Variants in LRRC37A2 observed in about 807,000 individuals in gnomAD.
LRRC37A2 encodes leucine-rich repeat-containing protein 37A2.
A neutral mutation model predicts 68.8 loss-of-function variants in LRRC37A2; 9 were observed. The ratio of observed to expected loss-of-function variants is 0.13; its 90% CI spans 0.08 to 0.23. The LOEUF (loss-of-function observed/expected upper bound fraction) is 0.23. Among genes scored for constraint, LRRC37A2 ranks in the 10% least tolerant of loss-of-function variants. The pLI is 1.00. For missense variants in LRRC37A2, 168 were observed against 950.4 expected, an observed-to-expected ratio of 0.18 and a Z score of 10.82; for synonymous variants, 63 against 367.6, an observed-to-expected ratio of 0.17 and a Z score of 9.48.
the LRRC37A2 span, chr17:46,756,561 AAGAT>A: frequency 6.6e-6 from 1 of 152,502 alleles, no homozygotes; most frequent in Non-Finnish European, 1.5e-5. Flanking sequence ...AAACATGTGA[AAGAT>A]AGGTATGGAA....
the LRRC37A2 span, among the ~76,000 whole-genome samples, chr17:47,009,124 T>G: frequency 6.6e-6 from 1 of 151,906 alleles, no homozygotes; most frequent in East Asian, 1.9e-4. Flanking sequence ...CAGAGTGATA[T>G]TCCATCTCAA....
the LRRC37A2 span, among the ~76,000 whole-genome samples, chr17:46,760,961 C>T: frequency 6.6e-6 from 1 of 152,142 alleles, no homozygotes. Context: ...CCCAAGATAC[C>T]TCATTGTATA....
At chr17:46,756,894 C>T in the LRRC37A2 span, 1 of 152,628 alleles carries the variant, frequency 6.6e-6, no homozygotes, top group Non-Finnish European at 1.5e-5. Flanking sequence ...AAAGGAAGCA[C>T]CCGTTGAGTC....
the LRRC37A2 span, chr17:46,872,549 C>G: frequency 3.2e-6 from 5 of 1,571,792 alleles, no homozygotes; most frequent in South Asian, 4.7e-5. Flanking sequence ...ACGCCCTTCC[C>G]AGGATTGGGC....
the LRRC37A2 span, among the ~76,000 whole-genome samples, chr17:46,896,448 AAGAAAAAG>A: frequency 2.5e-4 from 21 of 85,046 alleles, no homozygotes; most frequent in Non-Finnish European, 3.6e-4. Context: ...GAAAGAAAGA[AAGAAAAAG>A]AAAGAAAGAA....
chr17:46,997,366 A>G, the LRRC37A2 span, among the ~76,000 whole-genome samples: 1 of 152,108 alleles, frequency 6.6e-6, no homozygotes, highest in African/African-American at 2.4e-5. Context: ...CCTCACCAAA[A>G]AAAAAGAATA....
chr17:46,975,620 T>A, the LRRC37A2 span: 1 of 152,396 alleles, frequency 6.6e-6, no homozygotes, highest in Non-Finnish European at 1.5e-5. Context: ...GACCCCACTC[T>A]TGCTGGCTGT....
chr17:46,906,308 A>C, the LRRC37A2 span, among the ~76,000 whole-genome samples: 2 of 152,184 alleles, frequency 1.3e-5, no homozygotes, highest in Non-Finnish European at 2.9e-5. Flanking sequence ...GTCGGAAAGG[A>C]CTTCCCTGAA....
At chr17:46,776,108 C>T in the LRRC37A2 span, among the ~76,000 whole-genome samples, 1 of 152,254 alleles carries the variant, frequency 6.6e-6, no homozygotes, top group Non-Finnish European at 1.5e-5. Flanking sequence ...CACAGAGCTC[C>T]TATGGAATTG....
chr17:46,747,362 C>G, the LRRC37A2 span, among the ~76,000 whole-genome samples: 2 of 152,164 alleles, frequency 1.3e-5, no homozygotes, highest in African/African-American at 4.8e-5. Context: ...CTCACTCCAG[C>G]CTCAAACTCC....
At chr17:47,013,096 C>T in the LRRC37A2 span, among the ~76,000 whole-genome samples, 2 of 152,090 alleles carry the variant, frequency 1.3e-5, no homozygotes, top group African/African-American at 4.8e-5. Context: ...TGAAAGAAGC[C>T]AGATACAAAA....
chr17:46,756,442 A>G, the LRRC37A2 span: 1 of 152,276 alleles, frequency 6.6e-6, no homozygotes, highest in East Asian at 1.9e-4. Context: ...ATCTTTCTTA[A>G]TAGAAAGTCA....
the LRRC37A2 span, among the ~76,000 whole-genome samples, chr17:46,858,691 G>T: frequency 5.9e-5 from 9 of 152,226 alleles, no homozygotes; most frequent in African/African-American, 2.2e-4. Context: ...TGTAGGATGG[G>T]TGTAAATAGT....
In LRRC37A2 at chr17:46,550,759, T is replaced by C. The variant is rs138841665; in HGVS notation, c.4809+240T>C. 7.0e-4 allele frequency among the ~76,000 whole-genome samples: 61 copies of C among 86,674 alleles called. 14 individuals carry two copies. The highest frequency in any genetic ancestry group is 0.016 in the Middle Eastern group (2 of 124). 56.9% of individuals were successfully genotyped at this position (86,674 alleles called of 152,430 possible). A position where few individuals can be genotyped will look rare whatever the true frequency, so the allele number is the denominator to read the frequency against. On this transcript the variant is annotated intron_variant, in intron 11 of 14. Coordinates refer to ENST00000576629, the Ensembl canonical transcript of LRRC37A2. ...AAACCATGTGAATCCCACTAGACTA[T>C]TTTAAGAAGTCGAAAATTTCTCCCA... is the stretch of plus-strand genomic sequence containing the variant.
the LRRC37A2 span, among the ~76,000 whole-genome samples, chr17:46,836,314 C>A: frequency 6.6e-6 from 1 of 152,094 alleles, no homozygotes; most frequent in Admixed American, 6.6e-5. Context: ...TAATTGCATT[C>A]CTTGGAACTG....
chr17:46,726,471 A>G, the LRRC37A2 span: 1 of 1,318,954 alleles, frequency 7.6e-7, no homozygotes, highest in South Asian at 1.2e-5. Flanking sequence ...AGTATTGCTC[A>G]AGAAGTAACT....
the LRRC37A2 span, among the ~76,000 whole-genome samples, chr17:46,862,017 GC>G: frequency 6.6e-6 from 1 of 152,156 alleles, no homozygotes; most frequent in East Asian, 1.9e-4. Flanking sequence ...TACAAAAATA[GC>G]TGGGCGTGGT....
At chr17:46,936,719 C>G in the LRRC37A2 span, 1 of 984,606 alleles carries the variant, frequency 1.0e-6, no homozygotes, top group Non-Finnish European at 1.2e-6. Context: ...ATGAAATAAT[C>G]TGTGTGTTCA....
At chr17:46,716,526 G>A in the LRRC37A2 span, among the ~76,000 whole-genome samples, 1 of 152,144 alleles carries the variant, frequency 6.6e-6, no homozygotes, top group Admixed American at 6.6e-5. Context: ...CGAAGTGCTG[G>A]AATTACAGGC....
Sources: gnomAD v4.1 joint callset for allele counts (sites outside exome capture counted in the v4.1 genomes callset) on GRCh38, gnomAD v4.1.1 for gene constraint, MANE v1.5 for transcripts, NCBI Gene and HGNC (gene_info 2026-07-23, HGNC 2026-07-21) for gene names.